SYNE2: variants seen among roughly 807,000 people sequenced by gnomAD.
The protein encoded by SYNE2 is nesprin-2.
In SYNE2, 431 loss-of-function variants were observed where a neutral mutation model predicts 856.3. The observed-to-expected ratio is 0.50, with a 90% CI of 0.47 to 0.55. The LOEUF is 0.55. Among genes scored for constraint, SYNE2 ranks in the 20% least tolerant of loss-of-function variants. The probability of loss-of-function intolerance (pLI) is 0.00; values close to 1 mark genes in which losing one functional copy is unlikely to be tolerated. For missense variants in SYNE2, 8,129 were observed against 8,023.2 expected, an observed-to-expected ratio of 1.01 and a Z score of -0.50; for synonymous variants, 2,923 against 2,872.3, an observed-to-expected ratio of 1.02 and a Z score of -0.56.
At chr14:63,877,621 C>G (rs1437997722) in intron 1 of SYNE2, among the ~76,000 whole-genome samples, 2 of 152,198 alleles carry the variant, frequency 1.3e-5, no homozygotes, top group African/African-American at 4.8e-5. Flanking sequence ...AAAGTGACAC[C>G]ATTCTGATTT....
intron 1 of SYNE2, among the ~76,000 whole-genome samples, chr14:63,831,574 G>A (rs74796900): frequency 3.4e-5 from 1 of 29,020 alleles, no homozygotes; most frequent in African/African-American, 1.4e-4. Context: ...TTTTTTTTTT[G>A]AGATGGGATC....
intron 66 of SYNE2, among the ~76,000 whole-genome samples, chr14:64,117,656 C>A (rs1406669502): frequency 1.3e-5 from 2 of 152,094 alleles, no homozygotes; most frequent in African/African-American, 4.8e-5. Flanking sequence ...TATATAATAA[C>A]TTTAATAATT....
intron 101 of SYNE2, 165 bp downstream of exon 101, chr14:64,209,110 A>C: frequency 2.0e-6 from 2 of 999,458 alleles, no homozygotes; most frequent in Admixed American, 4.1e-5. Flanking sequence ...AGAAAAATGT[A>C]ACCGGAGTAA....
Position 64,081,573 on chromosome 14 carries a change from C to G in SYNE2, c.11477C>G (p.Thr3826Ser), listed in dbSNP as rs955861447. ...AGGACACTGAGTCACCATGCTAGCA[C>G]TGTGCAGGTAAGTGTTCTTCCAGGT... ...SLRTLSHHAS[T>S]VQMALEDSEQ... Residue 3826 changes from threonine to serine, a missense_variant, in exon 57 of 116, where the codon ACT (threonine) becomes AGT (serine). By Grantham distance (58) the Thr-to-Ser change is moderately conservative (BLOSUM62 1). Coordinates refer to ENST00000555002, the MANE Select transcript of SYNE2 (RefSeq NM_182914.3). 1 of 1,614,084 alleles carries G rather than the reference C, an allele frequency of 6.2e-7. No homozygotes were observed. Among genetic ancestry groups the G allele is most frequent in the African/African-American group, 1.3e-5 (1 of 75,046 alleles).
chr14:63,959,828 C>G (rs1438034907), intron 8 of SYNE2, among the ~76,000 whole-genome samples: 2 of 151,882 alleles, frequency 1.3e-5, no homozygotes, highest in African/African-American at 4.8e-5. Context: ...TTATGATTCT[C>G]CAAATCTTTA....
In SYNE2 at chr14:64,186,281, G is replaced by A. The variant is rs543629021; in HGVS notation, c.17557-143G>A. On this transcript the variant is annotated intron_variant, in intron 96 of 115. Transcript: ENST00000555002. ...AACCACAACTGCAGGCGCTCGTCTT[G>A]GGCTGTTTCCCATTCAGAAGGTCCC... 2.9e-6 allele frequency: 3 copies of A among 1,037,388 alleles called. No homozygotes were observed. The East Asian group carries it at 7.2e-5, about 25-fold the overall frequency. The allele number at this position is 1,037,388 out of a possible 1,614,324, so 64.3% of individuals were successfully genotyped here.
chr14:64,111,536 T>A (rs1161143657), intron 65 of SYNE2, among the ~76,000 whole-genome samples: 1 of 152,154 alleles, frequency 6.6e-6, no homozygotes, highest in Non-Finnish European at 1.5e-5. Flanking sequence ...CTGTGGCTTA[T>A]GCCTGTAATC....
Position 63,954,719 on chromosome 14 carries a change from C to T in SYNE2, c.591C>T (p.Thr197=), listed in dbSNP as rs778874832. 11 of 1,613,772 alleles carry T rather than the reference C, an allele frequency of 6.8e-6. No individual in the cohort carries two copies. The highest frequency in any genetic ancestry group is 5.9e-6 in the Non-Finnish European group (7 of 1,179,864). Residue 197 remains threonine, a splice_region_variant and synonymous_variant, in exon 8 of 116, where the codon ACC becomes ACT. Coordinates refer to ENST00000555002, the MANE Select transcript of SYNE2 (RefSeq NM_182914.3). ...LLLWAQEQCA[T]YESVNVTDFK... Reference sequence around the variant, plus strand: ...TCATGTTTTTGTCTTTTTATGATAGCTATGAGTCTGTCAATGTGACCGATT... The same window carrying T: ...TCATGTTTTTGTCTTTTTATGATAGTTATGAGTCTGTCAATGTGACCGATT...
intron 96 of SYNE2, among the ~76,000 whole-genome samples, chr14:64,181,583 C>G (rs2098458388): frequency 1.3e-5 from 2 of 152,212 alleles, no homozygotes; most frequent in Admixed American, 1.3e-4. Flanking sequence ...AACCCGTGAC[C>G]ATATTCTGAA....
At chr14:63,797,733 C>T (rs538486959) in intron 1 of SYNE2, among the ~76,000 whole-genome samples, 69 of 152,354 alleles carry the variant, frequency 4.5e-4, no homozygotes, top group East Asian at 1.7e-3. Context: ...TGAGCCACCA[C>T]GCCCAGCCAG....
At chr14:63,862,345 G>A (rs1893965215) in intron 1 of SYNE2, among the ~76,000 whole-genome samples, 1 of 152,216 alleles carries the variant, frequency 6.6e-6, no homozygotes, top group African/African-American at 2.4e-5. Flanking sequence ...GCAGCGTGGT[G>A]TGATTATGGC....
rs34440267 is a variant in SYNE2, at chr14:63,976,540, CTTT to C, written c.1129-6_1129-4del. On this transcript the variant is annotated intron_variant, in intron 11 of 115. Transcript: ENST00000555002. The stretch of plus-strand genomic sequence containing the variant: ...GAAAAGTTCTACTGAAGAATATGTT[CTTT>C]TTTTTTTTTTTTTTTTCAGATTAAT... The C allele has an allele frequency of 0.072, 96,814 of 1,347,044 alleles. 487 individuals carry two copies. Among genetic ancestry groups the C allele is most frequent in the Admixed American group, 0.12 (5,518 of 46,890 alleles). The allele number at this position is 1,347,044 out of a possible 1,614,324, so 83.4% of individuals were successfully genotyped here.
rs772301268 is a variant in SYNE2, at chr14:64,220,657, C to T, written c.20061+20C>T. The T allele has an allele frequency of 7.8e-5, 126 of 1,612,220 alleles. No homozygotes were observed. The highest frequency in any genetic ancestry group is 3.1e-4 in the East Asian group (14 of 44,856). ...TGCCAGGTACGCTGACTCAGCAGCC[C>T]GCCTCCCAGAGCCGGTACCCAGGCC... On this transcript the variant is annotated intron_variant, in intron 111 of 115. Coordinates refer to ENST00000555002, the MANE Select transcript of SYNE2 (RefSeq NM_182914.3).
At chr14:63,868,714 A>G (rs1004851325) in intron 1 of SYNE2, among the ~76,000 whole-genome samples, 1 of 151,814 alleles carries the variant, frequency 6.6e-6, no homozygotes, top group African/African-American at 2.4e-5. Flanking sequence ...GCTTTTGCCT[A>G]TGTGTGCATG....
intron 2 of SYNE2, among the ~76,000 whole-genome samples, chr14:63,940,006 G>C (rs960216309): frequency 6.6e-6 from 1 of 151,690 alleles, no homozygotes; most frequent in Non-Finnish European, 1.5e-5. Flanking sequence ...TCTAGGTTAG[G>C]AACTCCTGTT....
intron 63 of SYNE2, 48 bp downstream of exon 63, chr14:64,098,869 A>G: frequency 6.4e-7 from 1 of 1,566,446 alleles, no homozygotes; most frequent in South Asian, 1.1e-5. Context: ...CCAGATCTCT[A>G]AAAGAAGTCA....
At chr14:64,211,520 A>G (rs1042383892) in intron 103 of SYNE2, among the ~76,000 whole-genome samples, 3 of 152,252 alleles carry the variant, frequency 2.0e-5, no homozygotes, top group African/African-American at 7.2e-5. Flanking sequence ...AGGCTTTTCC[A>G]TCTTGAAGCT....
In SYNE2 at chr14:64,225,869, A is replaced by G. The variant is rs1463166650; in HGVS notation, c.*343A>G. 1.4e-5 allele frequency: 8 copies of G among 554,598 alleles called. No individual in the cohort carries two copies. The highest frequency in any genetic ancestry group is 2.3e-5 in the Non-Finnish European group (7 of 310,002). 34.4% of individuals were successfully genotyped at this position (554,598 alleles called of 1,614,324 possible). A position where few individuals can be genotyped will look rare whatever the true frequency, so the allele number is the denominator to read the frequency against. On this transcript the variant is annotated 3_prime_UTR_variant, in exon 116 of 116. Transcript: ENST00000555002. Reference sequence around the variant, plus strand: ...CATTATTATAATGTAGGTATGGTCAATGAGCAGTGGTGTCCATCACATATA... The same window carrying G: ...CATTATTATAATGTAGGTATGGTCAGTGAGCAGTGGTGTCCATCACATATA...
At chr14:63,821,760 A>G (rs1273012753) in intron 1 of SYNE2, among the ~76,000 whole-genome samples, 1 of 152,106 alleles carries the variant, frequency 6.6e-6, no homozygotes, top group Non-Finnish European at 1.5e-5. Flanking sequence ...CTTGAAAAAA[A>G]AAAGAATAAT....
Sources: gnomAD v4.1 joint callset for allele counts (sites outside exome capture counted in the v4.1 genomes callset) on GRCh38, gnomAD v4.1.1 for gene constraint, MANE v1.5 for transcripts, NCBI Gene and HGNC (gene_info 2026-07-23, HGNC 2026-07-21) for gene names.